Variants in XRCC1 observed in about 807,000 individuals in gnomAD.
The protein encoded by XRCC1 is DNA repair protein XRCC1.
Under a neutral mutation model 83.3 loss-of-function variants are expected in XRCC1, and 52 were observed. The observed-to-expected ratio is 0.62, with a 90% confidence interval of 0.50 to 0.79. The LOEUF is 0.79. Ranked by LOEUF, XRCC1 falls within the 30% of genes least tolerant of loss-of-function variation. XRCC1 has a pLI of 0.00. For missense variants in XRCC1, 793 were observed against 823.5 expected (o/e 0.96, Z 0.45); for synonymous variants, 281 against 312.6 (o/e 0.90, Z 1.07).
chr19:43,548,880 A>G (rs1289110765), intron 10 of XRCC1, among the ~76,000 whole-genome samples: 8 of 151,392 alleles, frequency 5.3e-5, no homozygotes, highest in African/African-American at 1.9e-4. Flanking sequence ...GGTAGGTCCT[A>G]TTTTTGGCCC....
intron 10 of XRCC1, 48 bp from the exon 11 acceptor site, chr19:43,547,025 G>GACAAACAGGCCCA: frequency 6.3e-7 from 1 of 1,586,972 alleles, no homozygotes; most frequent in South Asian, 1.1e-5. Flanking sequence ...GGGAAGTGGG[G>GACAAACAGGCCCA]AGGGCGTTCA....
chr19:43,569,356 G>A (rs1323638330), intron 2 of XRCC1, among the ~76,000 whole-genome samples: 1 of 151,722 alleles, frequency 6.6e-6, no homozygotes, highest in Non-Finnish European at 1.5e-5. Flanking sequence ...CATGCCTGTA[G>A]TCCCAACTAC....
intron 10 of XRCC1, among the ~76,000 whole-genome samples, chr19:43,551,031 C>A (rs1321341522): frequency 6.6e-6 from 1 of 152,086 alleles, no homozygotes; most frequent in African/African-American, 2.4e-5. Flanking sequence ...GTCACCCAGG[C>A]CAGAGTGCAG....
rs3213312 is a variant in XRCC1, at chr19:43,562,871, A to G, written c.145-1851T>C. ...TGTGCCAGACTCCTGCTAATAATACATGTATCTACTCTCCTGCAATGGCTC... is the reference window on the plus strand; with the variant it reads ...TGTGCCAGACTCCTGCTAATAATACGTGTATCTACTCTCCTGCAATGGCTC... On this transcript the variant is annotated intron_variant, in intron 2 of 16. Transcript: ENST00000262887. Among the ~76,000 whole-genome samples the G allele has an allele frequency of 1.5e-4, 23 of 152,324 alleles. No homozygotes were observed. The South Asian group carries it at 4.8e-3, about 32-fold the overall frequency.
intron 2 of XRCC1, among the ~76,000 whole-genome samples, chr19:43,564,731 T>C (rs1010331444): frequency 7.3e-5 from 11 of 150,198 alleles, no homozygotes; most frequent in Non-Finnish European, 1.5e-5. Context: ...GAGGTTGCAG[T>C]GAGCCGAGAT....
intron 12 of XRCC1, 28 bp from the exon 13 acceptor site, chr19:43,546,134 G>A (rs1325850046): frequency 1.9e-6 from 3 of 1,613,284 alleles, no homozygotes; most frequent in East Asian, 2.2e-5. Flanking sequence ...GTCAATGCAA[G>A]GCTGCCTTGT....
At chr19:43,547,826 T>C (rs1023650416) in intron 10 of XRCC1, among the ~76,000 whole-genome samples, 22 of 152,134 alleles carry the variant, frequency 1.4e-4, no homozygotes, top group African/African-American at 5.1e-4. Flanking sequence ...GGAAGAAATG[T>C]CTCAATTCAG....
chr19:43,544,177 C>G lies in XRCC1; in HGVS notation c.1679G>C (p.Arg560Pro). 3.1e-6 allele frequency: 5 copies of G among 1,610,676 alleles called. No homozygotes were observed. Among genetic ancestry groups the G allele is most frequent in the Non-Finnish European group, 4.2e-6 (5 of 1,178,562 alleles). ...GGCTGTGACGTATCGGATGAGTTTCCGCCGCTCGTCCCCAGGGAACTCCCC... is the reference window on the plus strand; with the variant it reads ...GGCTGTGACGTATCGGATGAGTTTCGGCCGCTCGTCCCCAGGGAACTCCCC... ...LYGEFPGDER[R>P]KLIRYVTAFN... is the part of the protein sequence containing the mutation. The change falls in exon 15 of 17, where the codon CGG (arginine) becomes CCG (proline). Residue 560 changes from arginine (R) to proline (P), a missense_variant. By Grantham distance (103) the Arg-to-Pro change is moderately radical. Coordinates refer to ENST00000262887, the MANE Select transcript of XRCC1 (RefSeq NM_006297.3).
intron 4 of XRCC1, 145 bp downstream of exon 4, chr19:43,554,501 A>G: frequency 2.9e-6 from 3 of 1,051,804 alleles, no homozygotes; most frequent in South Asian, 3.7e-5. Flanking sequence ...AACCCATTTC[A>G]GGGAACGCAG....
Position 43,561,018 on chromosome 19 carries a change from C to T in XRCC1, c.147G>A (p.Leu49=). 1.2e-6 allele frequency: 2 copies of T among 1,613,366 alleles called. No individual in the cohort carries two copies. The highest frequency in any genetic ancestry group is 1.7e-6 in the Non-Finnish European group (2 of 1,179,294). ...GEKTISVVLQ[L]EKEEQIHSVD... ...CACTGTGTATCTGCTCCTCCTTCTC[C>T]AACTGTGGGCAGAGAGAGAGGCCAC... Residue 49 remains leucine (L), a splice_region_variant and synonymous_variant, in exon 3 of 17, where the codon TTG becomes TTA. Transcript: ENST00000262887.
At chr19:43,550,838 G>A (rs1243320951) in intron 10 of XRCC1, among the ~76,000 whole-genome samples, 1 of 152,138 alleles carries the variant, frequency 6.6e-6, no homozygotes, top group Non-Finnish European at 1.5e-5. Flanking sequence ...GCCACCCTGT[G>A]GGGCTTCCAC....
At chr19:43,552,732 GC>G (rs1042085738) in intron 8 of XRCC1, 64 bp downstream of exon 8, 1 of 1,440,014 alleles carries the variant, frequency 6.9e-7, no homozygotes, top group Admixed American at 2.3e-5. Flanking sequence ...GCAGGCTCCA[GC>G]CCCGCTTCCC....
At chr19:43,556,164 A>G (rs1197314270) in intron 3 of XRCC1, among the ~76,000 whole-genome samples, 2 of 152,118 alleles carry the variant, frequency 1.3e-5, no homozygotes, top group African/African-American at 4.8e-5. Context: ...ATAGAAGTAC[A>G]AGTGTAAGCC....
chr19:43,567,827 G>A (rs1300508291), intron 2 of XRCC1, among the ~76,000 whole-genome samples: 1 of 151,502 alleles, frequency 6.6e-6, no homozygotes, highest in African/African-American at 2.4e-5. Flanking sequence ...CAAAGTTCCT[G>A]AGATATATTG....
In XRCC1 at chr19:43,560,948, C is replaced by A. The variant is rs537236859; in HGVS notation, c.217G>T (p.Gly73Cys). The change falls in exon 3 of 17, where the codon GGC (glycine) becomes TGC (cysteine). Residue 73 changes from glycine to cysteine, a missense_variant. Physicochemically the swap from Gly to Cys is radical, Grantham distance 159 (BLOSUM62 -3). Coordinates refer to ENST00000262887, the MANE Select transcript of XRCC1 (RefSeq NM_006297.3). The stretch of plus-strand genomic sequence containing the variant: ...TCCCCAGCGCCTCCAGCTGAACTGC[C>A]CACCAGCACCTCCACGAAAGCTGAG... Reference protein sequence around the residue: ...DGSAFVEVLVGSSAGGAGEQD... With the variant: ...DGSAFVEVLVCSSAGGAGEQD... 8 of 1,614,214 alleles carry A rather than the reference C, an allele frequency of 5.0e-6. No homozygotes were observed. In the African/African-American group the frequency reaches 9.3e-5, roughly 19 times the overall value.
Position 43,543,695 on chromosome 19 carries a change from G to C in XRCC1, c.1713-8C>G, listed in dbSNP as rs756436503. On this transcript the variant is annotated splice_region_variant and splice_polypyrimidine_tract_variant and intron_variant, in intron 15 of 16. Transcript: ENST00000262887. ...ATATAGTCCTCGAGCTCCCTGGCGG[G>C]AGAGAAGAAAAGAGGTAGAAGGCAC... is the stretch of plus-strand genomic sequence containing the variant. 3 of 1,613,912 alleles carry C rather than the reference G, an allele frequency of 1.9e-6. No individual in the cohort carries two copies. The highest frequency in any genetic ancestry group is 2.2e-5 in the South Asian group (2 of 91,068).
intron 16 of XRCC1, 42 bp downstream of exon 16, chr19:43,543,570 G>A (rs1416411571): frequency 1.2e-6 from 2 of 1,613,420 alleles, no homozygotes; most frequent in East Asian, 2.2e-5. Flanking sequence ...GAGATGCAAA[G>A]GTGTGCCCGG....
chr19:43,552,794 C>T lies in XRCC1; in HGVS notation c.823+3G>A. 6.3e-7 allele frequency: 1 copy of T among 1,599,298 alleles called. No individual in the cohort carries two copies. On this transcript the variant is annotated splice_donor_region_variant and intron_variant, in intron 8 of 16. Transcript: ENST00000262887. ...GTGGAAACAAGGGATCTAGTTAGCTCACATTTAGGTCTCTTGGGAACAGAT... is the reference window on the plus strand; with the variant it reads ...GTGGAAACAAGGGATCTAGTTAGCTTACATTTAGGTCTCTTGGGAACAGAT...
intron 3 of XRCC1, among the ~76,000 whole-genome samples, chr19:43,558,655 A>C (rs3213329): frequency 0.62 from 93,959 of 151,010 alleles, 29,733 homozygotes; most frequent in East Asian, 0.88. Flanking sequence ...TAAATAAATA[A>C]ATACATATAT....
Sources: allele counts gnomAD v4.1 joint callset (sites outside exome capture counted in the v4.1 genomes callset), GRCh38; gene constraint gnomAD v4.1.1; transcripts MANE v1.5; gene names NCBI Gene and HGNC (gene_info 2026-07-23, HGNC 2026-07-21).